The following ERI2 variants were observed in gnomAD, a reference collection of about 807,000 sequenced individuals.
ERI2 encodes ERI1 exoribonuclease 2.
In ERI2, 35 loss-of-function variants were observed where a neutral mutation model predicts 46.8. The ratio of observed to expected loss-of-function variants is 0.75; its 90% CI spans 0.57 to 0.99. ERI2 has a LOEUF of 0.99. Among genes scored for constraint, ERI2 ranks in the 50% least tolerant of loss-of-function variants. The probability of loss-of-function intolerance (pLI) is 0.00; values close to 1 mark genes in which losing one functional copy is unlikely to be tolerated. For synonymous variants in ERI2, 224 were observed against 271.0 expected, an observed-to-expected ratio of 0.83 and a Z score of 1.70; for missense variants, 695 against 796.2, an observed-to-expected ratio of 0.87 and a Z score of 1.53.
chr16:20,780,952 G>C, intron 10 of ERI2: 2 of 1,613,912 alleles, frequency 1.2e-6, no homozygotes, highest in Non-Finnish European at 1.7e-6. Context: ...ATGTACATCA[G>C]GGCTACTCTT....
intron 3 of ERI2, 134 bp downstream of exon 3, chr16:20,803,299 T>C: frequency 9.7e-7 from 1 of 1,030,286 alleles, no homozygotes; most frequent in East Asian, 2.6e-5. Flanking sequence ...CTCTTTTTTA[T>C]TCAACATAAG....
At chr16:20,793,546 C>T (rs2080651143), downstream of ERI2, among the ~76,000 whole-genome samples, 1 of 151,740 alleles carries the variant, frequency 6.6e-6, no homozygotes, top group South Asian at 2.1e-4. Context: ...GTGGATCTCC[C>T]CCCAGGACTG....
chr16:20,786,925 A>G (rs2080486908), intron 10 of ERI2, among the ~76,000 whole-genome samples: 1 of 152,158 alleles, frequency 6.6e-6, no homozygotes, highest in Admixed American at 6.5e-5. Context: ...TGAGCGGGTC[A>G]ACTAGGCCCG....
rs1227512867 is a variant in ERI2 at position 20,797,839 on chromosome 16, G to A, written c.1961C>T (p.Ser654Phe). 1 of 1,551,542 alleles carries A rather than the reference G, an allele frequency of 6.4e-7. No homozygotes were observed. Among genetic ancestry groups the A allele is most frequent in the South Asian group, 1.2e-5 (1 of 84,058 alleles). ...QKERANSMVPSHSTGGLTFSS... is the reference protein window; with the variant it reads ...QKERANSMVPFHSTGGLTFSS... ...AAAAGTGAGTCCCCCTGTGGAATGA[G>A]ATGGAACCATGCTGTTGGCTCTTTC... Residue 654 changes from serine (S) to phenylalanine (F), a missense_variant, in exon 9 of 9, where the codon TCT (serine) becomes TTT (phenylalanine). Coordinates refer to ENST00000357967, the MANE Select transcript of ERI2 (RefSeq NM_001142725.2).
chr16:20,805,643 G>C (rs1010081769), intron 1 of ERI2: 1 of 153,636 alleles, frequency 6.5e-6, no homozygotes, highest in Non-Finnish European at 1.4e-5. Context: ...ATTTGCCCTG[G>C]CATGCTTATA....
chr16:20,802,446 C>T (rs571270189), intron 4 of ERI2, among the ~76,000 whole-genome samples: 136 of 152,048 alleles, frequency 8.9e-4, no homozygotes, highest in African/African-American at 3.1e-3. Context: ...GTCTGTCACC[C>T]AGGATAGACT....
Position 20,798,625 on chromosome 16 carries a change from T to A in ERI2, c.1175A>T (p.Asp392Val). Residue 392 changes from aspartate to valine, a missense_variant, in exon 9 of 9, where the codon GAT (aspartate) becomes GTT (valine). Transcript: ENST00000357967. The part of the protein sequence containing the change: ...TTVPTVHHVS[D>V]LEMSSTLDCL... ...GTCCAGAGTAGAGCTCATTTCCAAA[T>A]CAGAAACATGATGAACAGTTGGAAC... is the stretch of plus-strand genomic sequence containing the variant. 1 of 1,551,564 alleles carries A rather than the reference T, an allele frequency of 6.4e-7. No homozygotes were observed. Among genetic ancestry groups the A allele is most frequent in the Non-Finnish European group, 8.7e-7 (1 of 1,146,904 alleles).
chr16:20,782,261 A>G (rs1478280321), intron 10 of ERI2, among the ~76,000 whole-genome samples: 1 of 152,054 alleles, frequency 6.6e-6, no homozygotes, highest in Admixed American at 6.6e-5. Context: ...TTTTGTTTCA[A>G]TAGGGTTTTG....
chr16:20,790,486 T>C lies in ERI2; in HGVS notation c.815+364A>G. On this transcript the variant is annotated intron_variant, in intron 9 of 10. Transcript: ENST00000300005. The surrounding 1 kb of genome is among the most constrained non-coding windows in gnomAD (Gnocchi z 4.0). Reference sequence around the variant, plus strand: ...ACACAAAATTTTTTTTAAGTCTTCATTTTTAAATGGCAAAAGCCAAAATAA... The same window carrying C: ...ACACAAAATTTTTTTTAAGTCTTCACTTTTAAATGGCAAAAGCCAAAATAA... The C allele has an allele frequency of 6.4e-6, 8 of 1,255,484 alleles. No individual in the cohort carries two copies. The South Asian group carries it at 8.4e-5, about 13-fold the overall frequency. 77.8% of individuals were successfully genotyped at this position (1,255,484 alleles called of 1,614,324 possible). A position where few individuals can be genotyped will look rare whatever the true frequency, so the allele number is the denominator to read the frequency against.
At chr16:20,785,259 G>T in intron 10 of ERI2, 1 of 1,040,336 alleles carries the variant, frequency 9.6e-7, no homozygotes, top group Non-Finnish European at 1.4e-6. Flanking sequence ...GAACCTAATT[G>T]CAAAAAAGCT....
rs1220187682 is a variant in ERI2, at chr16:20,790,071, C to T, written c.816-514G>A. ...AAAATTTTTAAAAAATTTTATCCTG[C>T]GTTCACATGTTGGTAACCTGTATTT... is the stretch of plus-strand genomic sequence containing the variant. On this transcript the variant is annotated intron_variant, in intron 9 of 10. Coordinates refer to the ERI2 transcript ENST00000300005. The surrounding 1 kb of genome is among the most constrained non-coding windows in gnomAD (Gnocchi z 4.0). Among the ~76,000 whole-genome samples, 1 of 152,048 alleles carries T rather than the reference C, an allele frequency of 6.6e-6. No homozygotes were observed. Among genetic ancestry groups the T allele is most frequent in the African/African-American group, 2.4e-5 (1 of 41,368 alleles).
chr16:20,785,229 T>A, intron 10 of ERI2: 2 of 1,355,762 alleles, frequency 1.5e-6, no homozygotes, highest in Non-Finnish European at 2.0e-6. Context: ...AGAAAATGTT[T>A]AAAAAAACAA....
rs775262184 is a variant in ERI2, at chr16:20,806,443, T to C, written c.-13A>G. ...GCTTGGTCGCCATTCCCGACACTCC[T>C]TGCTTTTCCAAGTCCAGCTGCCGGA... On this transcript the variant is annotated 5_prime_UTR_variant, in exon 1 of 9. Transcript: ENST00000357967. The C allele has an allele frequency of 2.5e-5, 39 of 1,553,070 alleles. No individual in the cohort carries two copies. The highest frequency in any genetic ancestry group is 2.9e-5 in the Non-Finnish European group (33 of 1,148,114).
chr16:20,781,076 AGC>A, intron 10 of ERI2: 1 of 1,614,168 alleles, frequency 6.2e-7, no homozygotes, highest in Non-Finnish European at 8.5e-7. Context: ...GGATCCAGGG[AGC>A]ATGTGTATTC....
chr16:20,792,228 G>C, downstream of ERI2: 2 of 1,614,086 alleles, frequency 1.2e-6, no homozygotes, highest in East Asian at 2.2e-5. Flanking sequence ...TGCCATATGT[G>C]TTTCTAGCTA....
At position 20,785,000 on chromosome 16, in the gene ERI2, T is replaced by C. The variant is rs751545090; in HGVS notation, c.895-4266A>G. 3.7e-6 allele frequency: 6 copies of C among 1,613,498 alleles called. No individual in the cohort carries two copies. In the East Asian group the frequency reaches 1.3e-4, roughly 36 times the overall value. ...TCTGAGAAGCTATAAGTTTAAAAGC[T>C]TAAAGCACTGTGTGAGTGCTGGGGA... On this transcript the variant is annotated intron_variant, in intron 10 of 10. Coordinates refer to the ERI2 transcript ENST00000300005.
intron 10 of ERI2, chr16:20,780,833 G>A: frequency 1.9e-6 from 3 of 1,614,228 alleles, no homozygotes; most frequent in Non-Finnish European, 2.5e-6. Flanking sequence ...AGCAGTTTTG[G>A]TTTAGGATTA....
At chr16:20,787,639 G>C (rs760302795) in intron 10 of ERI2, among the ~76,000 whole-genome samples, 1 of 152,198 alleles carries the variant, frequency 6.6e-6, no homozygotes, top group Non-Finnish European at 1.5e-5. Flanking sequence ...CTTGATTGCT[G>C]CTGTAACTCT....
At position 20,798,251 on chromosome 16, in the gene ERI2, A is replaced by C. The variant is rs1003050644; in HGVS notation, c.1549T>G (p.Ser517Ala). The stretch of plus-strand genomic sequence containing the variant: ...TGTTTCCCCAAAACTAAAGGATGAG[A>C]CATATTGGCATTAACTCTGTTGAAG... Reference protein sequence around the residue: ...STFNRVNANMSHPLVLGKHPL... With the variant: ...STFNRVNANMAHPLVLGKHPL... The change falls in exon 9 of 9, where the codon TCT becomes GCT. Residue 517 changes from serine (S) to alanine (A), a missense_variant. Ser to Ala is a moderately conservative substitution (Grantham distance 99). Coordinates refer to ENST00000357967, the MANE Select transcript of ERI2 (RefSeq NM_001142725.2). The C allele has an allele frequency of 1.3e-6, 2 of 1,551,570 alleles. No homozygotes were observed. The highest frequency in any genetic ancestry group is 1.7e-6 in the Non-Finnish European group (2 of 1,146,906).
Sources: allele counts gnomAD v4.1 joint callset (sites outside exome capture counted in the v4.1 genomes callset), GRCh38; gene constraint gnomAD v4.1.1; non-coding constraint Gnocchi (gnomAD v3.1); transcripts MANE v1.5; gene names NCBI Gene and HGNC (gene_info 2026-07-23, HGNC 2026-07-21).